CSMD1: variants seen among roughly 807,000 people sequenced by gnomAD.
The protein encoded by CSMD1 is CUB and Sushi multiple domains 1.
In CSMD1, 213 loss-of-function variants were observed where a neutral mutation model predicts 417.5. The ratio of observed to expected loss-of-function variants is 0.51; its 90% confidence interval spans 0.46 to 0.57. The LOEUF (loss-of-function observed/expected upper bound fraction) is 0.57. Among genes scored for constraint, CSMD1 ranks in the 20% least tolerant of loss-of-function variants. The pLI, the probability that CSMD1 is intolerant of heterozygous loss-of-function variation, is 0.00. For synonymous variants in CSMD1, 2,862 were observed against 1,736.8 expected (o/e 1.65, Z -16.11); for missense variants, 6,923 against 4,529.7 (o/e 1.53, Z -15.17).
intron 3 of CSMD1, among the ~76,000 whole-genome samples, chr8:4,080,686 A>G (rs1177722295): frequency 1.3e-5 from 2 of 152,206 alleles, no homozygotes; most frequent in Non-Finnish European, 2.9e-5. Flanking sequence ...GAAAATGGGT[A>G]TTTCTTCAGT....
intron 1 of CSMD1, among the ~76,000 whole-genome samples, chr8:4,830,849 G>A (rs1289626723): frequency 6.6e-6 from 1 of 152,146 alleles, no homozygotes; most frequent in Non-Finnish European, 1.5e-5. Flanking sequence ...TCAGCTAAGT[G>A]AAGAAATTCT....
chr8:3,461,546 G>A (rs1245387304), intron 12 of CSMD1, among the ~76,000 whole-genome samples: 1 of 152,158 alleles, frequency 6.6e-6, no homozygotes, highest in African/African-American at 2.4e-5. Flanking sequence ...AGGCAATGTG[G>A]TTGTAGAGAA....
intron 1 of CSMD1, among the ~76,000 whole-genome samples, chr8:4,864,899 C>CAA (rs200769451): frequency 0.015 from 2,236 of 149,070 alleles, 61 homozygotes; most frequent in African/African-American, 0.052. Context: ...CACACACAAA[C>CAA]ACACACACAC....
intron 7 of CSMD1, among the ~76,000 whole-genome samples, chr8:3,667,879 C>A (rs1261723798): frequency 2.0e-5 from 3 of 152,134 alleles, no homozygotes; most frequent in African/African-American, 7.2e-5. Context: ...TGAGTAGAAG[C>A]AGCCAAGGCC....
chr8:3,912,528 G>C (rs1201485816), intron 5 of CSMD1, among the ~76,000 whole-genome samples: 1 of 152,154 alleles, frequency 6.6e-6, no homozygotes, highest in Admixed American at 6.5e-5. Context: ...ACATAACAGA[G>C]GGGGCTGGTT....
intron 2 of CSMD1, among the ~76,000 whole-genome samples, chr8:4,447,164 A>C (rs1798865066): frequency 6.6e-6 from 1 of 152,328 alleles, no homozygotes; most frequent in East Asian, 1.9e-4. Context: ...TTAATAAATT[A>C]TTGATCCCAT....
chr8:4,661,149 C>G (rs1453912458), intron 1 of CSMD1, among the ~76,000 whole-genome samples: 1 of 152,148 alleles, frequency 6.6e-6, no homozygotes, highest in Non-Finnish European at 1.5e-5. Context: ...AACATTCACA[C>G]AAAAACCTGC....
intron 4 of CSMD1, among the ~76,000 whole-genome samples, chr8:4,023,848 A>G (rs1796919885): frequency 7.5e-6 from 1 of 133,748 alleles, no homozygotes; most frequent in East Asian, 2.2e-4. Context: ...CGATCTCCTG[A>G]CCTCGGGATC....
chr8:4,000,638 T>G (rs1815595016), intron 4 of CSMD1, among the ~76,000 whole-genome samples: 1 of 152,234 alleles, frequency 6.6e-6, no homozygotes, highest in Non-Finnish European at 1.5e-5. Flanking sequence ...ACAGGATCAC[T>G]AGAGACAGAT....
At chr8:4,004,805 C>T (rs964973368) in intron 4 of CSMD1, among the ~76,000 whole-genome samples, 7 of 151,916 alleles carry the variant, frequency 4.6e-5, no homozygotes, top group African/African-American at 1.5e-4. Flanking sequence ...AGTGCAGTGG[C>T]GCGATCTTGG....
chr8:3,818,045 T>C lies in CSMD1; in HGVS notation c.819-64003A>G, dbSNP rs1014143244. 5.9e-5 allele frequency among the ~76,000 whole-genome samples: 9 copies of C among 152,284 alleles called. 1 individual carries two copies. In the East Asian group the frequency reaches 1.5e-3, roughly 26 times the overall value. On this transcript the variant is annotated intron_variant, in intron 5 of 69. Coordinates refer to ENST00000635120, the MANE Select transcript of CSMD1 (RefSeq NM_033225.6). ...TTCCAACCCCAAACCACGACTCTCG[T>C]TCTATTCGGCTTGGAGCAGGCATGG... is the stretch of plus-strand genomic sequence containing the variant.
intron 8 of CSMD1, among the ~76,000 whole-genome samples, chr8:3,615,583 TTTTACCAACTTCA>T (rs1802096737): frequency 6.6e-6 from 1 of 152,196 alleles, no homozygotes; most frequent in Non-Finnish European, 1.5e-5. Context: ...CAATATACCA[TTTTACCAACTTCA>T]ATATAGACAC....
intron 1 of CSMD1, among the ~76,000 whole-genome samples, chr8:4,887,987 A>G (rs1803865948): frequency 6.6e-6 from 1 of 152,064 alleles, no homozygotes; most frequent in African/African-American, 2.4e-5. Flanking sequence ...CAGTCTAACA[A>G]TATAGGCTTA....
chr8:3,133,285 T>C (rs957556078), intron 41 of CSMD1, among the ~76,000 whole-genome samples: 15 of 152,208 alleles, frequency 9.9e-5, no homozygotes, highest in African/African-American at 3.6e-4. Context: ...GCCTGCTCTT[T>C]CTATCTCACT....
intron 5 of CSMD1, among the ~76,000 whole-genome samples, chr8:3,823,779 C>A (rs1180260448): frequency 6.6e-6 from 1 of 152,082 alleles, no homozygotes; most frequent in African/African-American, 2.4e-5. Context: ...TTTTGTCAGT[C>A]TTGGTCAGTT....
chr8:3,482,124 G>A (rs554120672), intron 11 of CSMD1, among the ~76,000 whole-genome samples: 17 of 152,134 alleles, frequency 1.1e-4, no homozygotes, highest in African/African-American at 3.9e-4. Flanking sequence ...GCAGTAAAAG[G>A]GGAATGAGAA....
intron 3 of CSMD1, among the ~76,000 whole-genome samples, chr8:4,063,384 G>T (rs1040889812): frequency 6.6e-6 from 1 of 152,038 alleles, no homozygotes; most frequent in Admixed American, 6.6e-5. Flanking sequence ...TATCAGACAA[G>T]TAAACTATAT....
intron 7 of CSMD1, among the ~76,000 whole-genome samples, chr8:3,666,709 A>C (rs1232231528): frequency 6.6e-6 from 1 of 152,196 alleles, no homozygotes; most frequent in Non-Finnish European, 1.5e-5. Context: ...TGATGTCTTT[A>C]TAAGGGGAAA....
At chr8:4,165,561 C>T (rs541894166) in intron 3 of CSMD1, among the ~76,000 whole-genome samples, 3 of 152,062 alleles carry the variant, frequency 2.0e-5, no homozygotes, top group African/African-American at 7.2e-5. Flanking sequence ...ACCACCATGC[C>T]CAGCTAATTT....
Sources: allele counts gnomAD v4.1 joint callset (sites outside exome capture counted in the v4.1 genomes callset), GRCh38; gene constraint gnomAD v4.1.1; transcripts MANE v1.5; gene names NCBI Gene and HGNC (gene_info 2026-07-23, HGNC 2026-07-21).